The following PPP2R3C variants were observed in gnomAD, a reference collection of about 807,000 sequenced individuals.
PPP2R3C encodes protein phosphatase 2 regulatory subunit B''gamma, also known as serine/threonine-protein phosphatase 2A regulatory subunit B'' subunit gamma.
PPP2R3C carries 47 observed loss-of-function variants against 63.7 expected under a neutral mutation model. That is an observed-to-expected ratio of 0.74 (90% confidence interval 0.58 to 0.94). The LOEUF is 0.94. Among genes scored for constraint, PPP2R3C ranks in the 40% least tolerant of loss-of-function variants. The pLI is 0.00. For missense variants in PPP2R3C, 421 were observed against 518.4 expected (o/e 0.81, Z 1.82); for synonymous variants, 180 against 177.4 (o/e 1.01, Z -0.12).
intron 10 of PPP2R3C, among the ~76,000 whole-genome samples, chr14:35,094,464 T>G (rs1368557087): frequency 6.7e-6 from 1 of 148,484 alleles, no homozygotes; most frequent in Non-Finnish European, 1.5e-5. Flanking sequence ...CTACCAAGCC[T>G]GGCCTCAGCT....
At chr14:35,103,261 C>A (rs1448746495) in intron 6 of PPP2R3C, among the ~76,000 whole-genome samples, 2 of 152,210 alleles carry the variant, frequency 1.3e-5, no homozygotes, top group Non-Finnish European at 1.5e-5. Flanking sequence ...TTACTATAGT[C>A]CTTGTTCTAG....
At chr14:35,110,378 T>C (rs2046511565) in intron 3 of PPP2R3C, 147 bp downstream of exon 3, 1 of 574,202 alleles carries the variant, frequency 1.7e-6, no homozygotes, top group Admixed American at 3.4e-5. Flanking sequence ...ACTCAGCGGC[T>C]GCTTCTGGTG....
At chr14:35,120,860 C>T (rs777859517) in intron 1 of PPP2R3C, among the ~76,000 whole-genome samples, 2 of 151,974 alleles carry the variant, frequency 1.3e-5, no homozygotes, top group Non-Finnish European at 2.9e-5. Context: ...GTGGGAAGAT[C>T]CCTTGAGCCC....
intron 6 of PPP2R3C, chr14:35,101,606 T>G (rs1034750449): frequency 6.6e-6 from 1 of 152,244 alleles, no homozygotes; most frequent in Non-Finnish European, 1.5e-5. Flanking sequence ...ACTCAAACAC[T>G]AAAGGTGTCA....
chr14:35,107,422 A>C, intron 5 of PPP2R3C, 48 bp from the exon 6 acceptor site: 1 of 1,460,294 alleles, frequency 6.8e-7, no homozygotes, highest in African/African-American at 1.4e-5. Flanking sequence ...TCTATCCTTC[A>C]GATATGAAAA....
intron 6 of PPP2R3C, among the ~76,000 whole-genome samples, chr14:35,105,721 A>G (rs2046330532): frequency 6.6e-6 from 1 of 152,186 alleles, no homozygotes; most frequent in Non-Finnish European, 1.5e-5. Context: ...GGAAGCTGGA[A>G]GGTGCTAGGC....
At chr14:35,105,433 G>A (rs111521272) in intron 6 of PPP2R3C, among the ~76,000 whole-genome samples, 11,227 of 151,698 alleles carry the variant, frequency 0.074, 519 homozygotes, top group Middle Eastern at 0.11. Flanking sequence ...TGCCCACCTC[G>A]GCCTCCCAAA....
At chr14:35,087,261 GTAAAA>G (rs1206206613) in intron 12 of PPP2R3C, 2 of 152,116 alleles carry the variant, frequency 1.3e-5, no homozygotes, top group Admixed American at 6.6e-5. Context: ...AAAATTTGTA[GTAAAA>G]TAAAATTTGT....
intron 2 of PPP2R3C, among the ~76,000 whole-genome samples, chr14:35,115,453 C>T (rs2046682250): frequency 6.6e-6 from 1 of 151,236 alleles, no homozygotes; most frequent in Non-Finnish European, 1.5e-5. Flanking sequence ...TGAGTCACCA[C>T]ACCTGGCCAA....
intron 2 of PPP2R3C, among the ~76,000 whole-genome samples, chr14:35,111,708 G>A (rs1186752442): frequency 2.6e-5 from 4 of 152,030 alleles, no homozygotes; most frequent in Admixed American, 2.6e-4. Flanking sequence ...TTGCACTTCT[G>A]ACTACCCAAT....
At chr14:35,113,403 A>G (rs542984664) in intron 2 of PPP2R3C, among the ~76,000 whole-genome samples, 2 of 152,326 alleles carry the variant, frequency 1.3e-5, no homozygotes, top group South Asian at 4.1e-4. Flanking sequence ...AGTGACACGA[A>G]GAAAGGAAAA....
chr14:35,109,939 G>C lies in PPP2R3C; in HGVS notation c.292-8C>G. The stretch of plus-strand genomic sequence containing the variant: ...CAGCAAAAACCATAAGTTCTTAAGA[G>C]AATTGTGGAAGTGAAGATGTTGTAA... On this transcript the variant is annotated splice_region_variant and splice_polypyrimidine_tract_variant and intron_variant, in intron 3 of 12. Coordinates refer to ENST00000261475, the MANE Select transcript of PPP2R3C (RefSeq NM_017917.4). 1 of 1,550,990 alleles carries C rather than the reference G, an allele frequency of 6.4e-7. No individual in the cohort carries two copies. The highest frequency in any genetic ancestry group is 2.3e-5 in the East Asian group (1 of 44,354).
chr14:35,093,715 C>A (rs556517863), intron 10 of PPP2R3C, among the ~76,000 whole-genome samples: 1 of 151,172 alleles, frequency 6.6e-6, no homozygotes, highest in African/African-American at 2.4e-5. Context: ...GGCGCCATCT[C>A]GGCTTACTGC....
intron 12 of PPP2R3C, chr14:35,087,142 A>C (rs1254152393): frequency 2.6e-5 from 4 of 152,174 alleles, no homozygotes; most frequent in Admixed American, 1.3e-4. Context: ...AATTCTGCTA[A>C]AACTTACTGG....
chr14:35,119,346 T>C (rs1414791180), intron 1 of PPP2R3C, among the ~76,000 whole-genome samples: 7 of 62,542 alleles, frequency 1.1e-4, no homozygotes. Flanking sequence ...CCCAAATGAA[T>C]TTTTTTTAAG....
At chr14:35,111,235 C>CAAAAAAAA (rs3058398) in intron 2 of PPP2R3C, among the ~76,000 whole-genome samples, 4 of 89,792 alleles carry the variant, frequency 4.5e-5, no homozygotes, top group Non-Finnish European at 6.5e-5. Context: ...CTCCATCTAC[C>CAAAAAAAA]AAAAAAAAAA....
rs773981719 is a variant in PPP2R3C, at chr14:35,107,287, A to C, written c.573+17T>G. The C allele has an allele frequency of 1.3e-6, 2 of 1,547,238 alleles. No homozygotes were observed. The highest frequency in any genetic ancestry group is 1.7e-5 in the Admixed American group (1 of 59,844). The stretch of plus-strand genomic sequence containing the variant: ...GTCTATAAGAGTTAATATAATATCT[A>C]TAAGGTTAACACTTACAGATTCCCG... On this transcript the variant is annotated intron_variant, in intron 6 of 12. Coordinates refer to ENST00000261475, the MANE Select transcript of PPP2R3C (RefSeq NM_017917.4).
At chr14:35,110,366 A>T in intron 3 of PPP2R3C, 159 bp downstream of exon 3, 1 of 567,968 alleles carries the variant, frequency 1.8e-6, no homozygotes, top group Non-Finnish European at 3.1e-6. Context: ...TGACCCATGC[A>T]AACTCAGCGG....
At chr14:35,108,824 G>C (rs2046447871) in intron 4 of PPP2R3C, among the ~76,000 whole-genome samples, 1 of 151,696 alleles carries the variant, frequency 6.6e-6, no homozygotes, top group African/African-American at 2.4e-5. Flanking sequence ...TGCCCTGACT[G>C]ATCTCGAACT....
Sources: gnomAD v4.1 joint callset for allele counts (sites outside exome capture counted in the v4.1 genomes callset) on GRCh38, gnomAD v4.1.1 for gene constraint, MANE v1.5 for transcripts, NCBI Gene and HGNC (gene_info 2026-07-23, HGNC 2026-07-21) for gene names.